The following AK5 variants were observed in gnomAD, a reference collection of about 807,000 sequenced individuals.
AK5 encodes the protein adenylate kinase 5.
A neutral mutation model predicts 69.5 loss-of-function variants in AK5; 27 were observed. That is an observed-to-expected ratio of 0.39 (90% confidence interval 0.29 to 0.54). The LOEUF (loss-of-function observed/expected upper bound fraction) is 0.54, where lower values mean the gene tolerates loss of function less well. Among genes scored for constraint, AK5 ranks in the 20% least tolerant of loss-of-function variants. The pLI is 0.71. For missense variants in AK5, 531 were observed against 700.4 expected (o/e 0.76, Z 2.73); for synonymous variants, 260 against 244.4 (o/e 1.06, Z -0.60).
chr1:77,292,713 CTT>C (rs1658760688), intron 2 of AK5, among the ~76,000 whole-genome samples: 1 of 152,188 alleles, frequency 6.6e-6, no homozygotes, highest in African/African-American at 2.4e-5. Flanking sequence ...GACTCAGAGT[CTT>C]TGTACTGTTC....
At chr1:77,306,067 T>C (rs1659619644) in intron 5 of AK5, among the ~76,000 whole-genome samples, 1 of 152,122 alleles carries the variant, frequency 6.6e-6, no homozygotes, top group Non-Finnish European at 1.5e-5. Context: ...AATTCCTAGG[T>C]ATTTAATTTT....
intron 8 of AK5, among the ~76,000 whole-genome samples, chr1:77,470,850 TATATATA>T (rs1654432671): frequency 2.0e-4 from 3 of 14,842 alleles, no homozygotes; most frequent in African/African-American, 2.6e-4. Context: ...TATATATATA[TATATATA>T]TATATATATA....
At chr1:77,380,069 T>C (rs972656021) in intron 6 of AK5, among the ~76,000 whole-genome samples, 2 of 152,218 alleles carry the variant, frequency 1.3e-5, no homozygotes, top group African/African-American at 4.8e-5. Flanking sequence ...TAAAGAATAC[T>C]ATTAAGAAGG....
intron 12 of AK5, among the ~76,000 whole-genome samples, chr1:77,531,117 G>A (rs956632275): frequency 1.3e-5 from 2 of 152,130 alleles, no homozygotes; most frequent in Non-Finnish European, 2.9e-5. Context: ...CGTGTCCGGA[G>A]TTTGTTCCTT....
At chr1:77,537,763 C>T (rs895724699) in intron 13 of AK5, among the ~76,000 whole-genome samples, 3 of 152,166 alleles carry the variant, frequency 2.0e-5, no homozygotes, top group Non-Finnish European at 2.9e-5. Context: ...TTCCAGAATC[C>T]TAAGAAACAC....
intron 8 of AK5, among the ~76,000 whole-genome samples, chr1:77,477,132 G>A (rs956207167): frequency 1.3e-5 from 2 of 151,920 alleles, no homozygotes; most frequent in South Asian, 2.1e-4. Flanking sequence ...GGCCCAAGCC[G>A]TCCTCCAGCC....
chr1:77,365,339 A>T (rs902820193), intron 6 of AK5, among the ~76,000 whole-genome samples: 1 of 152,090 alleles, frequency 6.6e-6, no homozygotes, highest in African/African-American at 2.4e-5. Flanking sequence ...GTTAAAAAAA[A>T]TTTTCCTGTC....
intron 6 of AK5, among the ~76,000 whole-genome samples, chr1:77,391,507 A>ACACATATGTGTGTGTG (rs1648479121): frequency 1.4e-5 from 1 of 71,884 alleles, no homozygotes; most frequent in Non-Finnish European, 2.9e-5. Context: ...ATATATATAT[A>ACACATATGTGTGTGTG]TATATATATA....
chr1:77,373,649 C>A (rs1459414185), intron 6 of AK5, among the ~76,000 whole-genome samples: 2 of 151,870 alleles, frequency 1.3e-5, no homozygotes, highest in African/African-American at 4.8e-5. Flanking sequence ...TCGCTTGAAC[C>A]CGGGAGGTGG....
At chr1:77,503,668 G>C (rs1230936809) in intron 10 of AK5, among the ~76,000 whole-genome samples, 1 of 152,084 alleles carries the variant, frequency 6.6e-6, no homozygotes, top group Non-Finnish European at 1.5e-5. Flanking sequence ...TTGGGAGGCC[G>C]AGGCAGACGG....
chr1:77,522,620 C>A (rs935426127), intron 12 of AK5, among the ~76,000 whole-genome samples: 7 of 152,118 alleles, frequency 4.6e-5, no homozygotes, highest in African/African-American at 1.7e-4. Flanking sequence ...CCCACCCTCT[C>A]CTAGTGAGGA....
intron 10 of AK5, among the ~76,000 whole-genome samples, chr1:77,495,415 G>GA (rs1656253374): frequency 1.3e-5 from 2 of 152,152 alleles, no homozygotes; most frequent in Admixed American, 6.5e-5. Context: ...ATTGGTGTCT[G>GA]AAAACAAAGG....
In AK5 at chr1:77,449,360, C is replaced by T. The variant is rs1652991892; in HGVS notation, c.1059+31645C>T. 2.0e-5 allele frequency among the ~76,000 whole-genome samples: 3 copies of T among 152,212 alleles called. No individual in the cohort carries two copies. The South Asian group carries it at 6.2e-4, about 32-fold the overall frequency. ...TCTGGAGCTTTAATATTTGACTACCCTGCTGGATTTCAGAGTTGCATGGAG... is the reference window on the plus strand; with the variant it reads ...TCTGGAGCTTTAATATTTGACTACCTTGCTGGATTTCAGAGTTGCATGGAG... On this transcript the variant is annotated intron_variant, in intron 8 of 13. Coordinates refer to ENST00000354567, the MANE Select transcript of AK5 (RefSeq NM_174858.3).
At chr1:77,542,304 C>A (rs1486649925) in intron 13 of AK5, among the ~76,000 whole-genome samples, 1 of 151,898 alleles carries the variant, frequency 6.6e-6, no homozygotes, top group Non-Finnish European at 1.5e-5. Context: ...GCCTGGATGA[C>A]AAAACGAGAC....
chr1:77,394,033 G>A (rs1648659894), intron 6 of AK5, among the ~76,000 whole-genome samples: 1 of 151,932 alleles, frequency 6.6e-6, no homozygotes, highest in Non-Finnish European at 1.5e-5. Context: ...TGGCCAACAT[G>A]GTGAAACCCT....
chr1:77,349,962 A>C (rs1205816245), intron 6 of AK5, among the ~76,000 whole-genome samples: 1 of 152,304 alleles, frequency 6.6e-6, no homozygotes, highest in East Asian at 1.9e-4. Context: ...TTGAGGGCCT[A>C]TGTATTCATG....
At chr1:77,290,114 A>G (rs764034787) in intron 2 of AK5, among the ~76,000 whole-genome samples, 8 of 152,204 alleles carry the variant, frequency 5.3e-5, no homozygotes, top group Admixed American at 5.2e-4. Flanking sequence ...TCTTTTAGTT[A>G]ATCATCAAAT....
chr1:77,534,110 C>T (rs1278256450), intron 12 of AK5, among the ~76,000 whole-genome samples: 4 of 152,138 alleles, frequency 2.6e-5, no homozygotes, highest in Non-Finnish European at 4.4e-5. Context: ...TCTGGCAACT[C>T]ACGATATTAC....
At chr1:77,365,932 C>T (rs538241084) in intron 6 of AK5, among the ~76,000 whole-genome samples, 7 of 152,220 alleles carry the variant, frequency 4.6e-5, no homozygotes, top group South Asian at 2.1e-4. Context: ...ATTCATGTTT[C>T]TTTTCAAAAA....
Sources: allele counts gnomAD v4.1 joint callset (sites outside exome capture counted in the v4.1 genomes callset), GRCh38; gene constraint gnomAD v4.1.1; transcripts MANE v1.5; gene names NCBI Gene and HGNC (gene_info 2026-07-23, HGNC 2026-07-21).